The following SEMA6A variants were observed in gnomAD, a reference collection of about 807,000 sequenced individuals.
The protein encoded by SEMA6A is semaphorin 6A.
Under a neutral mutation model 96.8 loss-of-function variants are expected in SEMA6A, and 25 were observed. The observed-to-expected ratio is 0.26, with a 90% CI of 0.19 to 0.36. The LOEUF is 0.36. Ranked by LOEUF, SEMA6A falls within the 10% of genes least tolerant of loss-of-function variation. The pLI, the probability that SEMA6A is intolerant of heterozygous loss-of-function variation, is 1.00. For missense variants in SEMA6A, 1,363 were observed against 1,323.1 expected (o/e 1.03, Z -0.47); for synonymous variants, 612 against 518.0 (o/e 1.18, Z -2.46).
intron 1 of SEMA6A, among the ~76,000 whole-genome samples, chr5:116,541,701 C>T (rs954044119): frequency 4.6e-5 from 7 of 152,160 alleles, no homozygotes; most frequent in South Asian, 4.2e-4. Flanking sequence ...GGCGTGGTGG[C>T]GTGCACCTGT....
At chr5:116,527,668 T>C (rs1759289063) in intron 1 of SEMA6A, among the ~76,000 whole-genome samples, 1 of 152,188 alleles carries the variant, frequency 6.6e-6, no homozygotes, top group Admixed American at 6.5e-5. Flanking sequence ...TCTTTGTGGT[T>C]CAACAATTCT....
chr5:116,452,540 A>G (rs567338168), intron 18 of SEMA6A, among the ~76,000 whole-genome samples: 1 of 152,234 alleles, frequency 6.6e-6, no homozygotes, highest in Non-Finnish European at 1.5e-5. Context: ...CCCTGCCCCT[A>G]GACCCTGCAA....
intron 6 of SEMA6A, among the ~76,000 whole-genome samples, chr5:116,492,806 G>A (rs761098125): frequency 5.9e-5 from 9 of 152,178 alleles, no homozygotes; most frequent in Non-Finnish European, 1.0e-4. Context: ...GCTATGATAA[G>A]ACTTGGGTTT....
chr5:116,544,174 C>G (rs1760090069), intron 1 of SEMA6A, among the ~76,000 whole-genome samples: 1 of 152,284 alleles, frequency 6.6e-6, no homozygotes, highest in East Asian at 1.9e-4. Flanking sequence ...CTTTCTGATC[C>G]ACTTTCCTAA....
rs138498075 is a variant in SEMA6A, at chr5:116,552,359, G to A, written c.-39+21826C>T. On this transcript the variant is annotated intron_variant, in intron 1 of 18. Coordinates refer to ENST00000343348, the MANE Select transcript of SEMA6A (RefSeq NM_020796.5). ...CACAGACTAAGTCTTTTTAGTCAAG[G>A]GGAGAAGTTCTATTTTTCCAAGCCA... is the stretch of plus-strand genomic sequence containing the variant. 4.5e-3 allele frequency among the ~76,000 whole-genome samples: 684 copies of A among 152,166 alleles called. 4 individuals carry two copies. The highest frequency in any genetic ancestry group is 0.015 in the African/African-American group (641 of 41,516).
chr5:116,457,631 A>C (rs1278533289), intron 18 of SEMA6A, among the ~76,000 whole-genome samples: 1 of 152,174 alleles, frequency 6.6e-6, no homozygotes, highest in Non-Finnish European at 1.5e-5. Context: ...AAGGGTGACA[A>C]ACCTTCACAT....
At chr5:116,532,082 T>G (rs6866432) in intron 1 of SEMA6A, among the ~76,000 whole-genome samples, 168 of 152,292 alleles carry the variant, frequency 1.1e-3, no homozygotes, top group African/African-American at 3.7e-3. Context: ...GTCAAACGCT[T>G]CTATAGAAGT....
Position 116,527,722 on chromosome 5 carries a change from G to A in SEMA6A, c.-38-22740C>T, listed in dbSNP as rs114205313. 9.9e-3 allele frequency among the ~76,000 whole-genome samples: 1,513 copies of A among 152,214 alleles called. 6 individuals are homozygous for A. Among genetic ancestry groups the A allele is most frequent in the Non-Finnish European group, 0.015 (1,037 of 68,014 alleles). ...ACCAGTTGGTTCTAATGAGTCTAAT[G>A]ATTAGTCTTCGTAGTCAGAGTTAAC... On this transcript the variant is annotated intron_variant, in intron 1 of 18. Transcript: ENST00000343348.
At chr5:116,464,742 A>T (rs951062438) in intron 18 of SEMA6A, among the ~76,000 whole-genome samples, 1 of 152,260 alleles carries the variant, frequency 6.6e-6, no homozygotes, top group African/African-American at 2.4e-5. Context: ...GACGAAAGAC[A>T]TAGCAAGGAA....
At chr5:116,570,718 C>T (rs550111680) in intron 1 of SEMA6A, among the ~76,000 whole-genome samples, 3 of 152,324 alleles carry the variant, frequency 2.0e-5, no homozygotes, top group South Asian at 2.1e-4. Flanking sequence ...TTCTGAAAAG[C>T]GCTGAACCAC....
intron 1 of SEMA6A, among the ~76,000 whole-genome samples, chr5:116,547,955 G>A (rs184193357): frequency 7.8e-4 from 118 of 152,158 alleles, no homozygotes; most frequent in Non-Finnish European, 8.5e-4. Flanking sequence ...CCTTATCCCC[G>A]GCCTCACATT....
intron 11 of SEMA6A, among the ~76,000 whole-genome samples, chr5:116,480,952 A>C (rs1318121110): frequency 2.0e-5 from 3 of 152,220 alleles, no homozygotes; most frequent in Non-Finnish European, 4.4e-5. Flanking sequence ...GTCAAGGGTC[A>C]TCCCAGCAAA....
At chr5:116,499,600 A>G (rs1281986785) in intron 3 of SEMA6A, among the ~76,000 whole-genome samples, 8 of 152,188 alleles carry the variant, frequency 5.3e-5, no homozygotes, top group African/African-American at 1.9e-4. Context: ...GTGGGCATGG[A>G]ACTCCTTTAA....
chr5:116,504,800 A>C (rs1758062753), intron 2 of SEMA6A, 45 bp downstream of exon 2: 4 of 1,437,632 alleles, frequency 2.8e-6, no homozygotes, highest in Non-Finnish European at 3.8e-6. Flanking sequence ...ATTCAGGCTA[A>C]AATGTTCTCA....
At chr5:116,471,447 C>T (rs1756139287) in intron 17 of SEMA6A, 1 of 152,122 alleles carries the variant, frequency 6.6e-6, no homozygotes. Context: ...ATCTTAATTT[C>T]TCAAAATCTG....
At chr5:116,496,107 G>C (rs1416549384) in intron 5 of SEMA6A, 144 bp downstream of exon 5, 2 of 679,650 alleles carry the variant, frequency 2.9e-6, no homozygotes, top group Non-Finnish European at 5.1e-6. Flanking sequence ...GCAAATTAAA[G>C]CCTTCAGTAA....
At chr5:116,476,654 CAAT>C (rs1214562689) in intron 15 of SEMA6A, among the ~76,000 whole-genome samples, 2 of 152,046 alleles carry the variant, frequency 1.3e-5, no homozygotes, top group African/African-American at 2.4e-5. Flanking sequence ...ATTGACTTAA[CAAT>C]AATTTTTTAA....
At chr5:116,452,418 ACT>A (rs1754695098) in intron 18 of SEMA6A, among the ~76,000 whole-genome samples, 1 of 144,424 alleles carries the variant, frequency 6.9e-6, no homozygotes, top group Admixed American at 6.9e-5. Context: ...TAGAATCTCC[ACT>A]GTTTTTTTTT....
chr5:116,469,518 C>T (rs1355340727), intron 17 of SEMA6A: 1 of 152,008 alleles, frequency 6.6e-6, no homozygotes, highest in Admixed American at 6.6e-5. Context: ...AAATTCAGTG[C>T]CCAGCATAAG....
Sources: gnomAD v4.1 joint callset for allele counts (sites outside exome capture counted in the v4.1 genomes callset) on GRCh38, gnomAD v4.1.1 for gene constraint, MANE v1.5 for transcripts, NCBI Gene and HGNC (gene_info 2026-07-23, HGNC 2026-07-21) for gene names.